DTD1: variants seen among roughly 807,000 people sequenced by gnomAD.
The protein encoded by DTD1 is D-tyrosyl-tRNA deacylase 1 homolog.
Under a neutral mutation model 25.6 loss-of-function variants are expected in DTD1, and 13 were observed. The observed-to-expected ratio is 0.51, with a 90% CI of 0.33 to 0.81. The LOEUF is 0.81. Ranked by LOEUF, DTD1 falls within the 30% of genes least tolerant of loss-of-function variation. DTD1 has a pLI of 0.02. For synonymous variants in DTD1, 110 were observed against 103.6 expected (o/e 1.06, Z -0.37); for missense variants, 193 against 266.4 (o/e 0.72, Z 1.92).
At chr20:18,729,823 C>G (rs140239505) in intron 4 of DTD1, among the ~76,000 whole-genome samples, 1 of 152,196 alleles carries the variant, frequency 6.6e-6, no homozygotes, top group African/African-American at 2.4e-5. Context: ...ATAGCCTGCC[C>G]CTGGCCGGGA....
Position 18,658,124 on chromosome 20 carries a change from T to G in DTD1, c.477+29891T>G, listed in dbSNP as rs185386422. On this transcript the variant is annotated intron_variant, in intron 4 of 5. Coordinates refer to ENST00000377452, the MANE Select transcript of DTD1 (RefSeq NM_080820.6). ...ATTTCTGTCTATAAAAAGTATTTAT[T>G]AAGCCCCTTTCTGTGTAGGTATCTG... is the stretch of plus-strand genomic sequence containing the variant. Among the ~76,000 whole-genome samples, 757 of 152,116 alleles carry G rather than the reference T, an allele frequency of 5.0e-3. 7 individuals carry two copies. The highest frequency in any genetic ancestry group is 0.018 in the African/African-American group (735 of 41,502).
rs556836532 is a variant in DTD1, at chr20:18,749,131, C to G, written c.*19+4860C>G. 1.1e-4 allele frequency among the ~76,000 whole-genome samples: 17 copies of G among 152,222 alleles called. No homozygotes were observed. The East Asian group carries it at 3.3e-3, about 29-fold the overall frequency. On this transcript the variant is annotated intron_variant, in intron 5 of 5. Coordinates refer to ENST00000377452, the MANE Select transcript of DTD1 (RefSeq NM_080820.6). The surrounding 1 kb of genome is among the most constrained non-coding windows in gnomAD (Gnocchi z 4.2). ...TGGAGGGGAAGCTGAAGGCCCCTGG[C>G]ATGTTCTGGCTGTGCTCCAGGCTGG...
chr20:18,632,185 A>G, intron 4 of DTD1: 1 of 985,412 alleles, frequency 1.0e-6, no homozygotes, highest in South Asian at 4.7e-5. Flanking sequence ...AAAATCCTCA[A>G]GTAGGCATTT....
chr20:18,716,474 C>G (rs1159697988), intron 4 of DTD1, among the ~76,000 whole-genome samples: 1 of 152,188 alleles, frequency 6.6e-6, no homozygotes, highest in African/African-American at 2.4e-5. Flanking sequence ...TCACGGGAGG[C>G]CCATGGACTT....
intron 4 of DTD1, among the ~76,000 whole-genome samples, chr20:18,654,691 G>C (rs2122360314): frequency 6.6e-6 from 1 of 152,206 alleles, no homozygotes; most frequent in South Asian, 2.1e-4. Flanking sequence ...CCAGAGCTCT[G>C]GGAGTCACAC....
chr20:18,694,052 A>G (rs1177106741), intron 4 of DTD1, among the ~76,000 whole-genome samples: 1 of 152,192 alleles, frequency 6.6e-6, no homozygotes, highest in Non-Finnish European at 1.5e-5. Context: ...TCTACCTGAC[A>G]GCACCATGGT....
intron 4 of DTD1, among the ~76,000 whole-genome samples, chr20:18,739,703 A>G (rs746518113): frequency 3.9e-5 from 6 of 152,174 alleles, no homozygotes; most frequent in Non-Finnish European, 8.8e-5. Context: ...GCTCATATGC[A>G]GTACCAGTTT....
chr20:18,686,650 G>A (rs1261966144), intron 4 of DTD1, among the ~76,000 whole-genome samples: 1 of 148,156 alleles, frequency 6.7e-6, no homozygotes, highest in Non-Finnish European at 1.5e-5. Flanking sequence ...TATTAGCTGT[G>A]TGTGTGTGTG....
rs535199134 is a variant in DTD1 at position 18,704,310 on chromosome 20, A to T, written c.478-39790A>T. ...CCACCACGCCCAGCCAGTAGTTCGT[A>T]GCTTTACAGGCAGGTCATTTGGTCT... On this transcript the variant is annotated intron_variant, in intron 4 of 5. Transcript: ENST00000377452. 5.9e-5 allele frequency among the ~76,000 whole-genome samples: 9 copies of T among 152,262 alleles called. No homozygotes were observed. The East Asian group carries it at 1.7e-3, about 29-fold the overall frequency.
At chr20:18,629,584 A>G (rs2060775328) in intron 4 of DTD1, among the ~76,000 whole-genome samples, 1 of 150,534 alleles carries the variant, frequency 6.6e-6, no homozygotes, top group East Asian at 1.9e-4. Flanking sequence ...ATTACAGGCA[A>G]GAGTCACCAT....
chr20:18,675,597 T>C (rs1002039504), intron 4 of DTD1: 3 of 152,096 alleles, frequency 2.0e-5, no homozygotes, highest in African/African-American at 7.2e-5. Context: ...ACTCTTTAAA[T>C]CAATGATGAT....
chr20:18,694,983 A>AT (rs1347837194), intron 4 of DTD1, among the ~76,000 whole-genome samples: 1 of 152,156 alleles, frequency 6.6e-6, no homozygotes, highest in East Asian at 1.9e-4. Flanking sequence ...CGCCCGACGT[A>AT]TAGTATATGT....
chr20:18,740,015 C>G (rs2061270938), intron 4 of DTD1, among the ~76,000 whole-genome samples: 1 of 151,932 alleles, frequency 6.6e-6, no homozygotes, highest in South Asian at 2.1e-4. Context: ...AAAGCTGGCT[C>G]TCGGTGGGAG....
chr20:18,734,491 G>C (rs1303179782), intron 4 of DTD1, among the ~76,000 whole-genome samples: 1 of 152,198 alleles, frequency 6.6e-6, no homozygotes, highest in East Asian at 1.9e-4. Context: ...GGGCTTCTCA[G>C]GCTACTGTGC....
intron 1 of DTD1, chr20:18,588,990 C>A: frequency 1.6e-6 from 1 of 641,056 alleles, no homozygotes; most frequent in Non-Finnish European, 1.9e-6. Flanking sequence ...CAAATAATTT[C>A]AGATATCCTG....
chr20:18,760,584 G>A (rs891213782), intron 5 of DTD1, among the ~76,000 whole-genome samples: 6 of 152,142 alleles, frequency 3.9e-5, no homozygotes, highest in African/African-American at 1.2e-4. Flanking sequence ...CTGCCTGATC[G>A]TTCCTCTGGA....
intron 4 of DTD1, among the ~76,000 whole-genome samples, chr20:18,647,981 G>A (rs2060856423): frequency 6.6e-6 from 1 of 152,170 alleles, no homozygotes; most frequent in Non-Finnish European, 1.5e-5. Flanking sequence ...GCAGGGCTTT[G>A]AAAAGATCTC....
At chr20:18,634,205 G>A (rs1303115793) in intron 4 of DTD1, among the ~76,000 whole-genome samples, 1 of 152,194 alleles carries the variant, frequency 6.6e-6, no homozygotes, top group Non-Finnish European at 1.5e-5. Flanking sequence ...CCATTTCTGT[G>A]ATAGAAGCTT....
At chr20:18,754,696 C>G (rs975440238) in intron 5 of DTD1, among the ~76,000 whole-genome samples, 1 of 152,224 alleles carries the variant, frequency 6.6e-6, no homozygotes, top group African/African-American at 2.4e-5. Context: ...TGCGTGGTCT[C>G]CAGCTACTCC....
Sources: allele counts gnomAD v4.1 joint callset (sites outside exome capture counted in the v4.1 genomes callset), GRCh38; gene constraint gnomAD v4.1.1; non-coding constraint Gnocchi (gnomAD v3.1); transcripts MANE v1.5; gene names NCBI Gene and HGNC (gene_info 2026-07-23, HGNC 2026-07-21).